IGFBP4: variants seen among roughly 807,000 people sequenced by gnomAD.
IGFBP4 encodes the protein insulin like growth factor binding protein 4.
Under a neutral mutation model 25.8 loss-of-function variants are expected in IGFBP4, and 9 were observed. That is an observed-to-expected ratio of 0.35 (90% CI 0.21 to 0.61). The LOEUF is 0.61. Among genes scored for constraint, IGFBP4 ranks in the 20% least tolerant of loss-of-function variants. IGFBP4 has a pLI of 0.77. For missense variants in IGFBP4, 315 were observed against 365.3 expected, an observed-to-expected ratio of 0.86 and a Z score of 1.12; for synonymous variants, 153 against 153.9, an observed-to-expected ratio of 0.99 and a Z score of 0.05.
chr17:40,444,962 GAGAGA>G (rs1165073396), intron 1 of IGFBP4, among the ~76,000 whole-genome samples: 10 of 137,110 alleles, frequency 7.3e-5, no homozygotes, highest in Non-Finnish European at 1.5e-4. Context: ...GAGAGAGAGA[GAGAGA>G]GAGAGAGAGA....
Position 40,457,556 on chromosome 17 carries a change from C to T in IGFBP4, c.*973C>T, listed in dbSNP as rs2035722479. ...GGCTCGCTCCCTGTAGCTCTGCCTC[C>T]CTCTCCATATCTCCTTCCCCTACAC... On this transcript the variant is annotated 3_prime_UTR_variant, in exon 4 of 4. Coordinates refer to ENST00000269593, the MANE Select transcript of IGFBP4 (RefSeq NM_001552.3). 1 of 152,078 alleles carries T rather than the reference C, an allele frequency of 6.6e-6. No individual in the cohort carries two copies. Among genetic ancestry groups the T allele is most frequent in the Non-Finnish European group, 1.5e-5 (1 of 68,094 alleles). The allele number at this position is 152,078 out of a possible 1,614,324, so 9.4% of individuals were successfully genotyped here.
In IGFBP4 at chr17:40,453,269, C is replaced by T. The variant is rs572076981; in HGVS notation, c.507+127C>T. The T allele has an allele frequency of 6.1e-6, 4 of 655,844 alleles. No individual in the cohort carries two copies. The Admixed American group carries it at 1.2e-4, about 20-fold the overall frequency. 40.6% of individuals were successfully genotyped at this position (655,844 alleles called of 1,614,324 possible). ...ATCTGGGGCGTGTTCATTCAGCACA[C>T]ATTCTAGGGTGACTACTGTGTGCAA... On this transcript the variant is annotated intron_variant, in intron 2 of 3. Coordinates refer to ENST00000269593, the MANE Select transcript of IGFBP4 (RefSeq NM_001552.3). This position sits in a 1 kb window ranked among gnomAD's most constrained non-coding sequence, Gnocchi z 4.0.
At position 40,456,658 on chromosome 17, in the gene IGFBP4, T is replaced by A; in HGVS notation, c.*75T>A. The A allele has an allele frequency of 6.8e-7, 1 of 1,467,960 alleles. No individual in the cohort carries two copies. The allele number at this position is 1,467,960 out of a possible 1,614,324, so 90.9% of individuals were successfully genotyped here. ...TGGAGGCTGCAGAGCTGACCCAGAG[T>A]GGAGTCTGAGTCTGAGTCCTGTCTC... On this transcript the variant is annotated 3_prime_UTR_variant, in exon 4 of 4. Transcript: ENST00000269593.
At chr17:40,447,791 C>T (rs149405726) in intron 1 of IGFBP4, among the ~76,000 whole-genome samples, 13 of 152,098 alleles carry the variant, frequency 8.5e-5, no homozygotes, top group African/African-American at 2.7e-4. Context: ...CGTCTGGCAT[C>T]GGGTAAGAGC....
chr17:40,446,886 A>G (rs1322750825), intron 1 of IGFBP4, among the ~76,000 whole-genome samples: 2 of 152,154 alleles, frequency 1.3e-5, no homozygotes, highest in Non-Finnish European at 2.9e-5. Context: ...CCTGGGCCAC[A>G]TGGCACCATG....
Position 40,453,984 on chromosome 17 carries a change from A to G in IGFBP4, c.564A>G (p.Ser188=). The G allele has an allele frequency of 1.2e-6, 2 of 1,613,138 alleles. No individual in the cohort carries two copies. The highest frequency in any genetic ancestry group is 2.2e-5 in the South Asian group (2 of 90,858). ...LHRALERLAA[S]QSRTHEDLYI... ...GGGCGCTGGAGCGGCTGGCCGCTTC[A>G]CAGAGCCGCACCCACGAGGACCTCT... Residue 188 remains serine, a synonymous_variant, in exon 3 of 4, where the codon TCA becomes TCG. Transcript: ENST00000269593. The surrounding 1 kb of genome is among the most constrained non-coding windows in gnomAD (Gnocchi z 4.0).
chr17:40,444,926 C>CACACAGAGAG (rs1456516087), intron 1 of IGFBP4, among the ~76,000 whole-genome samples: 3 of 62,688 alleles, frequency 4.8e-5, no homozygotes, highest in Admixed American at 2.0e-4. Flanking sequence ...CACACACACA[C>CACACAGAGAG]AGAGACAGAG....
chr17:40,449,697 C>T (rs139964522), intron 1 of IGFBP4, among the ~76,000 whole-genome samples: 15 of 151,084 alleles, frequency 9.9e-5, no homozygotes, highest in Non-Finnish European at 1.6e-4. Context: ...TGCATTGAGC[C>T]GAGATCGCGC....
Position 40,443,946 on chromosome 17 carries a change from A to T in IGFBP4, c.211A>T (p.Thr71Ser), listed in dbSNP as rs940675487. 18 of 1,530,462 alleles carry T rather than the reference A, an allele frequency of 1.2e-5. No homozygotes were observed. The East Asian group carries it at 4.4e-4, about 38-fold the overall frequency. 94.8% of individuals were successfully genotyped at this position (1,530,462 alleles called of 1,614,324 possible). A position where few individuals can be genotyped will look rare whatever the true frequency, so the allele number is the denominator to read the frequency against. Reference protein sequence around the residue: ...LGLGMPCGVYTPRCGSGLRCY... With the variant: ...LGLGMPCGVYSPRCGSGLRCY... ...CTTGGGGATGCCCTGCGGGGTGTAC[A>T]CCCCCCGTTGCGGCTCGGGCCTGCG... The change falls in exon 1 of 4, where the codon ACC (threonine) becomes TCC (serine). Residue 71 changes from threonine (T) to serine (S), a missense_variant. Coordinates refer to ENST00000269593, the MANE Select transcript of IGFBP4 (RefSeq NM_001552.3).
intron 1 of IGFBP4, 37 bp from the exon 2 acceptor site, chr17:40,452,948 C>A (rs1363747192): frequency 1.4e-6 from 2 of 1,433,812 alleles, no homozygotes; most frequent in South Asian, 1.6e-5. Context: ...CTGACCTCTT[C>A]CGGTGCTGAC....
chr17:40,454,063 G>A lies in IGFBP4; in HGVS notation c.642+1G>A, dbSNP rs1293796857. 5 of 1,611,744 alleles carry A rather than the reference G, an allele frequency of 3.1e-6. No individual in the cohort carries two copies. The highest frequency in any genetic ancestry group is 4.2e-6 in the Non-Finnish European group (5 of 1,179,020). On this transcript the variant is annotated splice_donor_variant, in intron 3 of 3. Coordinates refer to ENST00000269593, the MANE Select transcript of IGFBP4 (RefSeq NM_001552.3). LOFTEE classifies it high-confidence loss of function. ...CAACGGCAACTTCCACCCCAAGCAG[G>A]TGGGTCTCTGTCTCCCGCTGGCTTG... is the stretch of plus-strand genomic sequence containing the variant.
chr17:40,455,791 T>C (rs1231491125), intron 3 of IGFBP4, among the ~76,000 whole-genome samples: 1 of 152,174 alleles, frequency 6.6e-6, no homozygotes, highest in African/African-American at 2.4e-5. Context: ...CCTCTGATTT[T>C]TATCCCATTG....
intron 3 of IGFBP4, among the ~76,000 whole-genome samples, chr17:40,456,179 A>G (rs2035712898): frequency 6.6e-6 from 1 of 152,144 alleles, no homozygotes; most frequent in African/African-American, 2.4e-5. Context: ...ACCTGAACCC[A>G]GCCTTTCAAA....
Position 40,453,061 on chromosome 17 carries a change from C to CT in IGFBP4, c.428dup (p.Ala144ArgfsTer111). On this transcript the variant is annotated frameshift_variant, in exon 2 of 4. Transcript: ENST00000269593. LOFTEE classifies it high-confidence loss of function. This position sits in a 1 kb window ranked among gnomAD's most constrained non-coding sequence, Gnocchi z 4.0. Reference sequence around the variant, plus strand: ...ATGACCGCAGGTGCCTGCAGAAGCACTTCGCCAAAATTCGAGACCGGAGCA... The same window carrying CT: ...ATGACCGCAGGTGCCTGCAGAAGCACTTTCGCCAAAATTCGAGACCGGAGCA... 1 of 1,602,292 alleles carries CT rather than the reference C, an allele frequency of 6.2e-7. No individual in the cohort carries two copies. The highest frequency in any genetic ancestry group is 8.5e-7 in the Non-Finnish European group (1 of 1,174,326).
intron 1 of IGFBP4, among the ~76,000 whole-genome samples, chr17:40,448,784 C>T (rs2035665383): frequency 6.6e-6 from 1 of 152,182 alleles, no homozygotes; most frequent in Admixed American, 6.5e-5. Flanking sequence ...TTACAGATTA[C>T]ATGGAAAGTC....
intron 1 of IGFBP4, among the ~76,000 whole-genome samples, chr17:40,445,350 C>T (rs925723974): frequency 2.0e-5 from 3 of 152,178 alleles, no homozygotes; most frequent in Non-Finnish European, 4.4e-5. Flanking sequence ...CATCTCCGAC[C>T]CTGTTTTGCT....
At chr17:40,452,949 C>T (rs373871686) in intron 1 of IGFBP4, 36 bp from the exon 2 acceptor site, 40 of 1,433,764 alleles carry the variant, frequency 2.8e-5, no homozygotes, top group South Asian at 4.7e-5. Context: ...TGACCTCTTC[C>T]GGTGCTGACC....
chr17:40,450,237 C>T (rs910271472), intron 1 of IGFBP4, among the ~76,000 whole-genome samples: 3 of 152,118 alleles, frequency 2.0e-5, no homozygotes, highest in Non-Finnish European at 4.4e-5. Context: ...TGGGTTCAAG[C>T]GATCCACCTA....
At position 40,453,919 on chromosome 17, in the gene IGFBP4, C is replaced by G; in HGVS notation, c.508-9C>G. 1 of 1,597,932 alleles carries G rather than the reference C, an allele frequency of 6.3e-7. No individual in the cohort carries two copies. The highest frequency in any genetic ancestry group is 1.7e-4 in the Middle Eastern group (1 of 5,998). On this transcript the variant is annotated splice_polypyrimidine_tract_variant and intron_variant, in intron 2 of 3. Transcript: ENST00000269593. This position sits in a 1 kb window ranked among gnomAD's most constrained non-coding sequence, Gnocchi z 4.0. The stretch of plus-strand genomic sequence containing the variant: ...TTCTGCTGAGCAATTTTGTCTTCCC[C>G]TCCTCCAGCCCCAGGGCTCCTGCCA...
Sources: allele counts gnomAD v4.1 joint callset (sites outside exome capture counted in the v4.1 genomes callset), GRCh38; gene constraint gnomAD v4.1.1; non-coding constraint Gnocchi (gnomAD v3.1); transcripts MANE v1.5; gene names NCBI Gene and HGNC (gene_info 2026-07-23, HGNC 2026-07-21).